PARD3B: variants seen among roughly 807,000 people sequenced by gnomAD.
The protein encoded by PARD3B is par-3 family cell polarity regulator beta, also known as partitioning defective 3 homolog B.
In PARD3B, 103 loss-of-function variants were observed where a neutral mutation model predicts 130.2. The observed-to-expected ratio is 0.79, with a 90% CI of 0.67 to 0.93. The LOEUF (loss-of-function observed/expected upper bound fraction) is 0.93, where lower values mean the gene tolerates loss of function less well. Among genes scored for constraint, PARD3B ranks in the 40% least tolerant of loss-of-function variants. PARD3B has a pLI of 0.00. For synonymous variants in PARD3B, 583 were observed against 553.2 expected (o/e 1.05, Z -0.76); for missense variants, 1,609 against 1,499.2 (o/e 1.07, Z -1.21).
chr2:205,113,482 C>G lies in PARD3B; in HGVS notation c.594-9C>G. The G allele has an allele frequency of 6.2e-7, 1 of 1,605,642 alleles. No homozygotes were observed. The highest frequency in any genetic ancestry group is 8.5e-7 in the Non-Finnish European group (1 of 1,175,164). On this transcript the variant is annotated splice_polypyrimidine_tract_variant and intron_variant, in intron 5 of 22. Transcript: ENST00000406610. ...CACTCATTTGTGCTCTTGTTTTTTTCTGCCCCAGTGATATGACAAGAACAG... is the reference window on the plus strand; with the variant it reads ...CACTCATTTGTGCTCTTGTTTTTTTGTGCCCCAGTGATATGACAAGAACAG...
At chr2:205,194,539 A>C (rs1033524288) in intron 15 of PARD3B, among the ~76,000 whole-genome samples, 1 of 152,180 alleles carries the variant, frequency 6.6e-6, no homozygotes, top group Non-Finnish European at 1.5e-5. Context: ...CTTGATAAAC[A>C]TTTCCTGTTC....
chr2:205,515,836 AT>A (rs372038375), intron 21 of PARD3B, among the ~76,000 whole-genome samples: 180 of 152,030 alleles, frequency 1.2e-3, no homozygotes, highest in African/African-American at 4.1e-3. Context: ...TTTCGTTGTG[AT>A]TGCTTTTGCT....
chr2:204,843,103 T>C (rs1007556684), intron 2 of PARD3B, among the ~76,000 whole-genome samples: 7 of 152,064 alleles, frequency 4.6e-5, no homozygotes, highest in Non-Finnish European at 1.0e-4. Context: ...TTCTGACAGG[T>C]TCCTAGGTGA....
At chr2:205,215,471 C>G (rs2037859990) in intron 15 of PARD3B, among the ~76,000 whole-genome samples, 1 of 151,728 alleles carries the variant, frequency 6.6e-6, no homozygotes, top group East Asian at 1.9e-4. Flanking sequence ...ATATGAAGAG[C>G]TCTTATAAAT....
intron 2 of PARD3B, among the ~76,000 whole-genome samples, chr2:204,729,172 C>A (rs759091471): frequency 6.6e-6 from 1 of 152,200 alleles, no homozygotes; most frequent in Non-Finnish European, 1.5e-5. Flanking sequence ...ATTGGTCTCA[C>A]ATAGTCATGC....
intron 2 of PARD3B, among the ~76,000 whole-genome samples, chr2:204,698,748 C>T (rs780781555): frequency 5.9e-5 from 9 of 152,034 alleles, no homozygotes; most frequent in Non-Finnish European, 1.3e-4. Context: ...TACGTCAATG[C>T]GTGGTCTTAC....
intron 18 of PARD3B, among the ~76,000 whole-genome samples, chr2:205,363,897 C>A (rs1280269247): frequency 6.9e-6 from 1 of 144,456 alleles, no homozygotes; most frequent in Non-Finnish European, 1.5e-5. Context: ...GAACTCCTGA[C>A]CTCAAGTGAT....
At chr2:204,636,786 A>G (rs1388752649) in intron 1 of PARD3B, among the ~76,000 whole-genome samples, 1 of 151,982 alleles carries the variant, frequency 6.6e-6, no homozygotes, top group Non-Finnish European at 1.5e-5. Flanking sequence ...TACTTTCCTT[A>G]AACTCACCCT....
intron 20 of PARD3B, among the ~76,000 whole-genome samples, chr2:205,485,626 C>T (rs1035391182): frequency 2.0e-5 from 3 of 152,098 alleles, no homozygotes; most frequent in African/African-American, 7.2e-5. Context: ...TGGTGCTGGC[C>T]CTACTTGCAA....
At chr2:205,051,216 A>G (rs1466607695) in intron 4 of PARD3B, among the ~76,000 whole-genome samples, 2 of 152,116 alleles carry the variant, frequency 1.3e-5, no homozygotes, top group African/African-American at 4.8e-5. Flanking sequence ...CTTCCTTCAC[A>G]ACTCCAGCTA....
At chr2:205,365,198 G>A (rs1276455135) in intron 18 of PARD3B, among the ~76,000 whole-genome samples, 7 of 81,830 alleles carry the variant, frequency 8.6e-5, no homozygotes, top group Non-Finnish European at 1.7e-4. Flanking sequence ...AAAACTCCGT[G>A]TCAAAAAAAA....
chr2:205,083,085 AATTTTTTGT>A (rs2125517515), intron 4 of PARD3B, among the ~76,000 whole-genome samples: 1 of 151,954 alleles, frequency 6.6e-6, no homozygotes. Context: ...ATGCCTGGCT[AATTTTTTGT>A]ATTTTTAGTA....
rs1239529276 is a variant in PARD3B, at chr2:205,562,657, C to T, written c.3260+9254C>T. ...AAAAGAAGGTTGTTTTGTGCCTAGGCATCTGCTTAGAGTATTGCTCTATAT... is the reference window on the plus strand; with the variant it reads ...AAAAGAAGGTTGTTTTGTGCCTAGGTATCTGCTTAGAGTATTGCTCTATAT... On this transcript the variant is annotated intron_variant, in intron 22 of 22. Transcript: ENST00000406610. The surrounding 1 kb of genome is among the most constrained non-coding windows in gnomAD (Gnocchi z 5.4). Among the ~76,000 whole-genome samples the T allele has an allele frequency of 2.0e-5, 3 of 152,206 alleles. No individual in the cohort carries two copies. Among genetic ancestry groups the T allele is most frequent in the African/African-American group, 4.8e-5 (2 of 41,454 alleles).
intron 18 of PARD3B, among the ~76,000 whole-genome samples, chr2:205,381,078 T>TATATAAAGAATATATAATATATATAA: frequency 3.8e-5 from 1 of 26,008 alleles, no homozygotes; most frequent in African/African-American, 1.8e-4. Flanking sequence ...ATTATATATA[T>TATATAAAGAATATATAATATATATAA]TATATATAAA....
chr2:205,174,467 A>G (rs1425116952), intron 12 of PARD3B, among the ~76,000 whole-genome samples: 1 of 152,190 alleles, frequency 6.6e-6, no homozygotes, highest in South Asian at 2.1e-4. Flanking sequence ...ATAAAGACAG[A>G]AGACTAATGT....
intron 2 of PARD3B, among the ~76,000 whole-genome samples, chr2:204,798,131 G>A (rs6710197): frequency 0.24 from 36,178 of 152,046 alleles, 7,327 homozygotes; most frequent in African/African-American, 0.55. Flanking sequence ...CACAGAAAAG[G>A]AAGAGGCACT....
Position 205,276,429 on chromosome 2 carries a change from C to T in PARD3B, c.2186-24101C>T, listed in dbSNP as rs2040951103. On this transcript the variant is annotated intron_variant, in intron 16 of 22. Transcript: ENST00000406610. This position sits in a 1 kb window ranked among gnomAD's most constrained non-coding sequence, Gnocchi z 5.0. ...TCTTATTTATCCTTAACAGAAGAAA[C>T]AACAAGTAAATCTGGTGAAAAGCTT... 6.6e-6 allele frequency among the ~76,000 whole-genome samples: 1 copy of T among 152,138 alleles called. No homozygotes were observed. Among genetic ancestry groups the T allele is most frequent in the African/African-American group, 2.4e-5 (1 of 41,436 alleles).
chr2:205,148,785 C>G (rs988466402), intron 10 of PARD3B, among the ~76,000 whole-genome samples: 6 of 151,868 alleles, frequency 4.0e-5, no homozygotes, highest in African/African-American at 1.5e-4. Context: ...AAAATGATTG[C>G]ATGTGAAACA....
intron 21 of PARD3B, among the ~76,000 whole-genome samples, chr2:205,526,896 T>C (rs2051363755): frequency 1.3e-5 from 2 of 152,146 alleles, no homozygotes; most frequent in South Asian, 4.1e-4. Flanking sequence ...TGGGTAGTAA[T>C]TTTAAAATCA....
Sources: gnomAD v4.1 joint callset for allele counts (sites outside exome capture counted in the v4.1 genomes callset) on GRCh38, gnomAD v4.1.1 for gene constraint, Gnocchi (gnomAD v3.1) non-coding constraint, MANE v1.5 for transcripts, NCBI Gene and HGNC (gene_info 2026-07-23, HGNC 2026-07-21) for gene names.